Variants in MCHR2 observed in about 807,000 individuals in gnomAD.
MCHR2 encodes melanin concentrating hormone receptor 2, also known as melanin-concentrating hormone receptor 2.
MCHR2 carries 15 observed loss-of-function variants against 24.8 expected under a neutral mutation model. That is an observed-to-expected ratio of 0.60 (90% CI 0.40 to 0.93). The LOEUF is 0.93. MCHR2 is among the 40% of genes least tolerant of loss of function. The probability of loss-of-function intolerance (pLI) is 0.00; values close to 1 mark genes in which losing one functional copy is unlikely to be tolerated. For synonymous variants in MCHR2, 151 were observed against 147.6 expected (o/e 1.02, Z -0.17); for missense variants, 386 against 408.7 (o/e 0.94, Z 0.48).
chr6:99,970,553 C>T (rs1001391373), intron 1 of MCHR2, among the ~76,000 whole-genome samples: 8 of 152,232 alleles, frequency 5.3e-5, no homozygotes, highest in African/African-American at 1.4e-4. Flanking sequence ...TGTGCAGAAG[C>T]TCTTTAGTTT....
At chr6:99,965,247 A>G (rs929631480) in intron 1 of MCHR2, among the ~76,000 whole-genome samples, 1 of 152,210 alleles carries the variant, frequency 6.6e-6, no homozygotes, top group African/African-American at 2.4e-5. Flanking sequence ...ATTAATGCTT[A>G]TCTTAGTCTT....
chr6:99,976,928 A>C (rs1775562885), intron 1 of MCHR2, among the ~76,000 whole-genome samples: 1 of 152,150 alleles, frequency 6.6e-6, no homozygotes, highest in Non-Finnish European at 1.5e-5. Flanking sequence ...TTTGTCAGCA[A>C]CTCATACATT....
Position 99,942,922 on chromosome 6 carries a change from C to A in MCHR2, c.587+27G>T, listed in dbSNP as rs577277916. 3.2e-6 allele frequency: 5 copies of A among 1,565,612 alleles called. No individual in the cohort carries two copies. The African/African-American group carries it at 4.1e-5, about 13-fold the overall frequency. On this transcript the variant is annotated intron_variant, in intron 4 of 5. Transcript: ENST00000281806. The stretch of plus-strand genomic sequence containing the variant: ...AAGTTCTTCACAACTTAATTCAACT[C>A]GTTTTTCTTAAGTTTTCACAACTTA...
chr6:99,935,581 T>C (rs1774640722), intron 4 of MCHR2, among the ~76,000 whole-genome samples: 1 of 152,048 alleles, frequency 6.6e-6, no homozygotes, highest in Non-Finnish European at 1.5e-5. Context: ...ATTGTGTGTA[T>C]ATATATTATA....
chr6:99,975,130 G>T (rs1354555470), intron 1 of MCHR2, among the ~76,000 whole-genome samples: 1 of 152,214 alleles, frequency 6.6e-6, no homozygotes, highest in Non-Finnish European at 1.5e-5. Flanking sequence ...GTCTGCAGAG[G>T]TTACTGCTGT....
chr6:99,971,137 G>A (rs1171245682), intron 1 of MCHR2, among the ~76,000 whole-genome samples: 1 of 152,114 alleles, frequency 6.6e-6, no homozygotes, highest in African/African-American at 2.4e-5. Flanking sequence ...CATTGAATCT[G>A]TAAATTATCT....
In MCHR2 at chr6:99,956,151, T is replaced by C; in HGVS notation, c.-4A>G. 6.2e-7 allele frequency: 1 copy of C among 1,606,336 alleles called. No individual in the cohort carries two copies. Among genetic ancestry groups the C allele is most frequent in the Non-Finnish European group, 8.5e-7 (1 of 1,175,924 alleles). On this transcript the variant is annotated 5_prime_UTR_variant, in exon 2 of 6. Coordinates refer to ENST00000281806, the MANE Select transcript of MCHR2 (RefSeq NM_001040179.2). ...AAGATGCATGAAATGGATTCATTGT[T>C]CGTGGACTTTCCAGGGATTAAAGCT...
chr6:99,932,267 G>A (rs1207933170), intron 5 of MCHR2, among the ~76,000 whole-genome samples: 1 of 152,158 alleles, frequency 6.6e-6, no homozygotes, highest in Non-Finnish European at 1.5e-5. Flanking sequence ...ATGACTCAAT[G>A]TGTGAAAGAA....
chr6:99,932,559 C>T (rs1436714201), intron 5 of MCHR2, among the ~76,000 whole-genome samples: 3 of 152,156 alleles, frequency 2.0e-5, no homozygotes, highest in African/African-American at 4.8e-5. Flanking sequence ...CTAGTATCAA[C>T]AGTGATGTAA....
intron 1 of MCHR2, among the ~76,000 whole-genome samples, chr6:99,971,420 G>A (rs1775416655): frequency 6.6e-6 from 1 of 152,078 alleles, no homozygotes; most frequent in East Asian, 1.9e-4. Flanking sequence ...TGTATCCTGA[G>A]ATTTTGCTGA....
At chr6:99,987,744 T>A (rs1040434672) in intron 1 of MCHR2, among the ~76,000 whole-genome samples, 1 of 151,930 alleles carries the variant, frequency 6.6e-6, no homozygotes, top group Non-Finnish European at 1.5e-5. Context: ...TAAAAAACAA[T>A]AAAAATTGAA....
chr6:99,984,592 A>C (rs1775737462), intron 1 of MCHR2, among the ~76,000 whole-genome samples: 1 of 152,192 alleles, frequency 6.6e-6, no homozygotes, highest in Non-Finnish European at 1.5e-5. Flanking sequence ...GGTCACATCA[A>C]TAGATGCAGA....
At chr6:99,922,255 T>C (rs1326481757) in intron 5 of MCHR2, among the ~76,000 whole-genome samples, 1 of 151,988 alleles carries the variant, frequency 6.6e-6, no homozygotes. Context: ...TACAGGCGCC[T>C]GCCACCACAC....
At chr6:99,959,682 G>T (rs1440980812) in intron 1 of MCHR2, among the ~76,000 whole-genome samples, 1 of 149,904 alleles carries the variant, frequency 6.7e-6, no homozygotes, top group Non-Finnish European at 1.5e-5. Flanking sequence ...AACAGATTTT[G>T]GAGCTGAGAA....
At chr6:99,950,406 G>T (rs376124675) in intron 2 of MCHR2, among the ~76,000 whole-genome samples, 1 of 151,806 alleles carries the variant, frequency 6.6e-6, no homozygotes, top group East Asian at 1.9e-4. Context: ...TATTTCTTAC[G>T]ATGTAAACAT....
At chr6:99,975,143 TTTTG>T (rs1278886817) in intron 1 of MCHR2, among the ~76,000 whole-genome samples, 2 of 152,116 alleles carry the variant, frequency 1.3e-5, no homozygotes, top group African/African-American at 4.8e-5. Context: ...ACTGCTGTCT[TTTTG>T]TTTGTTTTTT....
chr6:99,945,676 T>A (rs1378756131), intron 3 of MCHR2, among the ~76,000 whole-genome samples: 1 of 152,160 alleles, frequency 6.6e-6, no homozygotes, highest in African/African-American at 2.4e-5. Flanking sequence ...GTTAAACTTT[T>A]ATGAATTTAG....
intron 4 of MCHR2, among the ~76,000 whole-genome samples, chr6:99,939,189 T>C (rs984996935): frequency 2.0e-5 from 3 of 152,180 alleles, no homozygotes; most frequent in South Asian, 2.1e-4. Flanking sequence ...AGTATTATTA[T>C]TGATAAGCAA....
intron 5 of MCHR2, among the ~76,000 whole-genome samples, chr6:99,925,996 C>G (rs1049925663): frequency 6.6e-6 from 1 of 151,992 alleles, no homozygotes; most frequent in Non-Finnish European, 1.5e-5. Flanking sequence ...GCCCCCACCC[C>G]ACAACAGTCC....
Sources: gnomAD v4.1 joint callset for allele counts (sites outside exome capture counted in the v4.1 genomes callset) on GRCh38, gnomAD v4.1.1 for gene constraint, MANE v1.5 for transcripts, NCBI Gene and HGNC (gene_info 2026-07-23, HGNC 2026-07-21) for gene names.